RCAN2: variants seen among roughly 807,000 people sequenced by gnomAD.
RCAN2 encodes regulator of calcineurin 2.
In RCAN2, 9 loss-of-function variants were observed where a neutral mutation model predicts 23.6. That is an observed-to-expected ratio of 0.38 (90% CI 0.23 to 0.67). The LOEUF (loss-of-function observed/expected upper bound fraction) is 0.67, where lower values mean the gene tolerates loss of function less well. Ranked by LOEUF, RCAN2 falls within the 30% of genes least tolerant of loss-of-function variation. The pLI, the probability that RCAN2 is intolerant of heterozygous loss-of-function variation, is 0.51. For synonymous variants in RCAN2, 109 were observed against 115.7 expected (o/e 0.94, Z 0.37); for missense variants, 273 against 302.3 (o/e 0.90, Z 0.72).
chr6:46,389,770 C>A (rs1214655484), intron 2 of RCAN2, among the ~76,000 whole-genome samples: 3 of 152,184 alleles, frequency 2.0e-5, no homozygotes, highest in Non-Finnish European at 4.4e-5. Flanking sequence ...TTCAGATCCT[C>A]CACCGTCTTT....
chr6:46,384,266 T>C (rs1765685579), intron 2 of RCAN2, among the ~76,000 whole-genome samples: 1 of 152,232 alleles, frequency 6.6e-6, no homozygotes, highest in Non-Finnish European at 1.5e-5. Flanking sequence ...TTTTAATTAA[T>C]TTCCAGTGTT....
chr6:46,331,100 G>T (rs1339075350), intron 2 of RCAN2, among the ~76,000 whole-genome samples: 1 of 152,170 alleles, frequency 6.6e-6, no homozygotes, highest in Non-Finnish European at 1.5e-5. Context: ...TCCATTAAGA[G>T]GAACTACTTC....
chr6:46,240,688 G>A (rs1160544136), intron 4 of RCAN2, among the ~76,000 whole-genome samples: 1 of 152,160 alleles, frequency 6.6e-6, no homozygotes, highest in East Asian at 1.9e-4. Flanking sequence ...AAAAACATAG[G>A]TGTTCATCTA....
chr6:46,459,793 G>A (rs900065259), intron 1 of RCAN2, among the ~76,000 whole-genome samples: 8 of 152,084 alleles, frequency 5.3e-5, no homozygotes, highest in African/African-American at 1.2e-4. Flanking sequence ...AGCGGAAGAC[G>A]TGATCAAAAT....
rs80257883 is a variant in RCAN2 at position 46,369,128 on chromosome 6, C to A, written c.225+87624G>T. Among the ~76,000 whole-genome samples the A allele has an allele frequency of 9.5e-3, 1,443 of 151,920 alleles. 19 individuals are homozygous for A. The highest frequency in any genetic ancestry group is 0.033 in the African/African-American group (1,364 of 41,414). ...AACTAAGACACAAACACACATTAGC[C>A]TAGGTCTCACAGTGTCAGAATCATC... On this transcript the variant is annotated intron_variant, in intron 2 of 4. Coordinates refer to ENST00000371374, the MANE Select transcript of RCAN2 (RefSeq NM_001251974.2).
In RCAN2 at chr6:46,447,273, A is replaced by T. The variant is rs557864093; in HGVS notation, c.225+9479T>A. 2.6e-5 allele frequency among the ~76,000 whole-genome samples: 4 copies of T among 152,046 alleles called. No homozygotes were observed. In the East Asian group the frequency reaches 7.7e-4, roughly 29 times the overall value. On this transcript the variant is annotated intron_variant, in intron 2 of 4. Transcript: ENST00000371374. ...ATAAGTTAAAATGATTAATTTGATA[A>T]TAACGGTTGTAAATATACATGTGCC... is the stretch of plus-strand genomic sequence containing the variant.
intron 2 of RCAN2, among the ~76,000 whole-genome samples, chr6:46,395,330 GA>G (rs748991498): frequency 9.9e-5 from 15 of 152,106 alleles, no homozygotes; most frequent in Non-Finnish European, 1.8e-4. Flanking sequence ...AGAAAGAGGA[GA>G]AATCAACAAA....
At chr6:46,233,778 A>G (rs112270723) in intron 4 of RCAN2, among the ~76,000 whole-genome samples, 2,551 of 142,250 alleles carry the variant, frequency 0.018, 83 homozygotes, top group African/African-American at 0.063. Context: ...CAGGCTGGAG[A>G]GTGCAATGGC....
At chr6:46,309,110 A>G (rs1763172646) in intron 2 of RCAN2, among the ~76,000 whole-genome samples, 1 of 152,190 alleles carries the variant, frequency 6.6e-6, no homozygotes, top group African/African-American at 2.4e-5. Context: ...GTTCAGGAGA[A>G]GTTTGCAGAA....
chr6:46,400,737 C>T (rs1766226385), intron 2 of RCAN2, among the ~76,000 whole-genome samples: 1 of 152,180 alleles, frequency 6.6e-6, no homozygotes, highest in Admixed American at 6.5e-5. Context: ...AGAGACCGGG[C>T]CCAGAGCTCC....
intron 1 of RCAN2, among the ~76,000 whole-genome samples, chr6:46,463,345 A>G (rs1345469274): frequency 6.6e-6 from 1 of 152,262 alleles, no homozygotes; most frequent in Non-Finnish European, 1.5e-5. Flanking sequence ...GTCAAACCAG[A>G]GAGAAAGAGT....
intron 2 of RCAN2, among the ~76,000 whole-genome samples, chr6:46,446,715 G>A (rs1767720218): frequency 6.6e-6 from 1 of 152,118 alleles, no homozygotes; most frequent in Non-Finnish European, 1.5e-5. Flanking sequence ...AATGCGGAAA[G>A]AGGAGTAAAA....
intron 2 of RCAN2, among the ~76,000 whole-genome samples, chr6:46,281,715 A>G (rs370728116): frequency 1.4e-4 from 22 of 152,294 alleles, no homozygotes; most frequent in Admixed American, 2.6e-4. Flanking sequence ...CAATTTATTA[A>G]TAATCAGAGA....
chr6:46,426,343 T>C (rs1288580887), intron 2 of RCAN2, among the ~76,000 whole-genome samples: 1 of 152,242 alleles, frequency 6.6e-6, no homozygotes, highest in African/African-American at 2.4e-5. Context: ...TCATTATGTA[T>C]AATAGACCTT....
intron 3 of RCAN2, among the ~76,000 whole-genome samples, chr6:46,248,026 A>G (rs1418208748): frequency 6.6e-6 from 1 of 152,244 alleles, no homozygotes; most frequent in Non-Finnish European, 1.5e-5. Flanking sequence ...TCACTGTGCC[A>G]TCTCTGTAGA....
At chr6:46,429,536 T>C (rs1767127817) in intron 2 of RCAN2, among the ~76,000 whole-genome samples, 1 of 152,238 alleles carries the variant, frequency 6.6e-6, no homozygotes, top group South Asian at 2.1e-4. Context: ...ATCAACGTTT[T>C]AATTTCTGAG....
intron 2 of RCAN2, among the ~76,000 whole-genome samples, chr6:46,330,339 T>C (rs1459163985): frequency 6.6e-6 from 1 of 152,186 alleles, no homozygotes; most frequent in Non-Finnish European, 1.5e-5. Flanking sequence ...CAGGTGATTC[T>C]GATGCAAGCT....
At chr6:46,298,054 C>G (rs1171026705) in intron 2 of RCAN2, among the ~76,000 whole-genome samples, 2 of 152,042 alleles carry the variant, frequency 1.3e-5, no homozygotes, top group African/African-American at 2.4e-5. Context: ...CCAACATGCA[C>G]CAGAAGGGAG....
chr6:46,420,976 A>C (rs555044381), intron 2 of RCAN2, among the ~76,000 whole-genome samples: 1 of 152,346 alleles, frequency 6.6e-6, no homozygotes, highest in Admixed American at 6.5e-5. Context: ...GATGAACATG[A>C]TGTCATCCCT....
Sources: gnomAD v4.1 joint callset for allele counts (sites outside exome capture counted in the v4.1 genomes callset) on GRCh38, gnomAD v4.1.1 for gene constraint, MANE v1.5 for transcripts, NCBI Gene and HGNC (gene_info 2026-07-23, HGNC 2026-07-21) for gene names.